The following MAF variants were observed in gnomAD, a reference collection of about 807,000 sequenced individuals.
MAF encodes the protein MAF bZIP transcription factor.
In MAF, 10 loss-of-function variants were observed where a neutral mutation model predicts 22.0. The observed-to-expected ratio is 0.45, with a 90% CI of 0.28 to 0.77. The LOEUF (loss-of-function observed/expected upper bound fraction) is 0.77, where lower values mean the gene tolerates loss of function less well. Ranked by LOEUF, MAF falls within the 30% of genes least tolerant of loss-of-function variation. The pLI is 0.12. For missense variants in MAF, 544 were observed against 548.4 expected (o/e 0.99, Z 0.08); for synonymous variants, 337 against 255.8 (o/e 1.32, Z -3.03).
chr16:79,599,041 G>A lies in MAF; in HGVS notation c.862C>T (p.Arg288Trp), dbSNP rs774933231. 6.2e-7 allele frequency: 1 copy of A among 1,612,958 alleles called. No individual in the cohort carries two copies. Among genetic ancestry groups the A allele is most frequent in the South Asian group, 1.1e-5 (1 of 91,038 alleles). The change falls in exon 1 of 2, where the codon CGG becomes TGG. Residue 288 changes from arginine to tryptophan, a missense_variant. Coordinates refer to ENST00000326043, the MANE Select transcript of MAF (RefSeq NM_005360.5). ...AGGGTCCGCCTCTTCTGCTTCAGCC[G>A]GATCACCTCCTCCTTGCTGACCCCG... is the stretch of plus-strand genomic sequence containing the variant. ...LRGVSKEEVI[R>W]LKQKRRTLKN...
At chr16:79,330,351 C>G in the MAF span, among the ~76,000 whole-genome samples, 1 of 152,148 alleles carries the variant, frequency 6.6e-6, no homozygotes, top group African/African-American at 2.4e-5. Flanking sequence ...TTGGAGATGC[C>G]AGGAAAGGCT....
the MAF span, among the ~76,000 whole-genome samples, chr16:79,499,800 A>G: frequency 2.0e-5 from 3 of 152,214 alleles, no homozygotes; most frequent in African/African-American, 7.2e-5. Context: ...AGTAGCCTCA[A>G]AAGACAAAGA....
the MAF span, among the ~76,000 whole-genome samples, chr16:79,546,857 A>T: frequency 6.6e-6 from 1 of 152,170 alleles, no homozygotes; most frequent in African/African-American, 2.4e-5. Context: ...CAGTGGGAGG[A>T]TGGACTTATA....
At chr16:79,424,866 T>C in the MAF span, among the ~76,000 whole-genome samples, 15 of 152,236 alleles carry the variant, frequency 9.9e-5, no homozygotes, top group African/African-American at 3.4e-4. Flanking sequence ...CCTATCCAAG[T>C]CCCAATATCT....
the MAF span, among the ~76,000 whole-genome samples, chr16:79,403,777 G>T: frequency 6.6e-6 from 1 of 152,158 alleles, no homozygotes; most frequent in Non-Finnish European, 1.5e-5. Context: ...GAACAAAACA[G>T]TAAATAAGAG....
chr16:79,546,822 T>A, the MAF span, among the ~76,000 whole-genome samples: 1 of 152,136 alleles, frequency 6.6e-6, no homozygotes, highest in Non-Finnish European at 1.5e-5. Flanking sequence ...AACTGACCAA[T>A]TATTAATATA....
chr16:79,303,703 C>T, the MAF span, among the ~76,000 whole-genome samples: 2 of 152,146 alleles, frequency 1.3e-5, no homozygotes, highest in African/African-American at 2.4e-5. Context: ...GGTTCTGAGG[C>T]ACACCCGTAA....
downstream of MAF, among the ~76,000 whole-genome samples, chr16:79,582,439 G>A (rs1024078737): frequency 1.3e-5 from 2 of 152,114 alleles, no homozygotes; most frequent in East Asian, 3.9e-4. Context: ...GTTTCTTTAA[G>A]TTGGCTCCTT....
chr16:79,335,798 T>C, the MAF span, among the ~76,000 whole-genome samples: 1 of 152,168 alleles, frequency 6.6e-6, no homozygotes, highest in African/African-American at 2.4e-5. Flanking sequence ...TGGTTGGTGA[T>C]TTTCTTCTCT....
At chr16:79,450,616 G>A in the MAF span, among the ~76,000 whole-genome samples, 2 of 152,124 alleles carry the variant, frequency 1.3e-5, no homozygotes, top group African/African-American at 2.4e-5. Flanking sequence ...TTCAAACAAT[G>A]CTGTTCTGTG....
At chr16:79,416,064 C>G in the MAF span, among the ~76,000 whole-genome samples, 26 of 152,146 alleles carry the variant, frequency 1.7e-4, no homozygotes, top group African/African-American at 5.6e-4. Flanking sequence ...CTCCTACCAG[C>G]AGCACTGACA....
chr16:79,545,436 G>A, the MAF span, among the ~76,000 whole-genome samples: 2 of 151,894 alleles, frequency 1.3e-5, no homozygotes, highest in East Asian at 1.9e-4. Flanking sequence ...ATCAAGTGTG[G>A]CACCCATTTG....
chr16:79,432,335 G>A, the MAF span, among the ~76,000 whole-genome samples: 6 of 152,092 alleles, frequency 3.9e-5, no homozygotes, highest in Admixed American at 6.6e-5. Context: ...ACTCAGTCTC[G>A]AGTATTTCCT....
chr16:79,531,544 T>C, the MAF span, among the ~76,000 whole-genome samples: 1 of 152,116 alleles, frequency 6.6e-6, no homozygotes, highest in South Asian at 2.1e-4. Context: ...TGCCACCAGA[T>C]GGTCCCATCT....
At chr16:79,498,057 C>A in the MAF span, among the ~76,000 whole-genome samples, 1 of 152,192 alleles carries the variant, frequency 6.6e-6, no homozygotes, top group Non-Finnish European at 1.5e-5. Flanking sequence ...CCTGCCCTTG[C>A]ACCCAGATGA....
At chr16:79,391,890 G>GGAGGAGGAGGAGGAGGAGGAGC in the MAF span, among the ~76,000 whole-genome samples, 3 of 67,056 alleles carry the variant, frequency 4.5e-5, no homozygotes, top group African/African-American at 4.3e-5. Context: ...GGAGGAGGAG[G>GGAGGAGGAGGAGGAGGAGGAGC]AGGAGGAGCA....
the MAF span, among the ~76,000 whole-genome samples, chr16:79,379,575 A>C: frequency 6.6e-4 from 100 of 152,308 alleles, no homozygotes; most frequent in Non-Finnish European, 1.6e-4. Flanking sequence ...AGCTCAAGTC[A>C]GGTAATTCTA....
chr16:79,521,302 G>T, the MAF span, among the ~76,000 whole-genome samples: 4 of 152,200 alleles, frequency 2.6e-5, no homozygotes, highest in African/African-American at 4.8e-5. Flanking sequence ...ATATGATGGG[G>T]AATTGTCCTC....
chr16:79,229,848 A>T, the MAF span, among the ~76,000 whole-genome samples: 1 of 152,054 alleles, frequency 6.6e-6, no homozygotes, highest in African/African-American at 2.4e-5. Context: ...TCCTCGTAGA[A>T]TGACCTGATT....
Sources: gnomAD v4.1 joint callset for allele counts (sites outside exome capture counted in the v4.1 genomes callset) on GRCh38, gnomAD v4.1.1 for gene constraint, MANE v1.5 for transcripts, NCBI Gene and HGNC (gene_info 2026-07-23, HGNC 2026-07-21) for gene names.